CDKL2: variants seen among roughly 807,000 people sequenced by gnomAD.
CDKL2 encodes cyclin dependent kinase like 2, also known as cyclin-dependent kinase-like 2.
A neutral mutation model predicts 63.9 loss-of-function variants in CDKL2; 64 were observed. The observed-to-expected ratio is 1.00, with a 90% CI of 0.82 to 1.23. The LOEUF is 1.23. Among genes scored for constraint, CDKL2 ranks in the 50% most tolerant of loss-of-function variants. The probability of loss-of-function intolerance (pLI) is 0.00; values close to 1 mark genes in which losing one functional copy is unlikely to be tolerated. For missense variants in CDKL2, 656 were observed against 668.0 expected (o/e 0.98, Z 0.20); for synonymous variants, 211 against 229.2 (o/e 0.92, Z 0.72).
chr4:75,630,239 C>T lies in CDKL2; in HGVS notation c.-227G>A, dbSNP rs1730622434. 1 of 152,656 alleles carries T rather than the reference C, an allele frequency of 6.6e-6. No individual in the cohort carries two copies. Among genetic ancestry groups the T allele is most frequent in the South Asian group, 2.1e-4 (1 of 4,840 alleles). The allele number at this position is 152,656 out of a possible 1,614,324, so 9.5% of individuals were successfully genotyped here. A position where few individuals can be genotyped will look rare whatever the true frequency, so the allele number is the denominator to read the frequency against. On this transcript the variant is annotated 5_prime_UTR_variant, in exon 1 of 14. Coordinates refer to ENST00000307465, the MANE Select transcript of CDKL2 (RefSeq NM_001330724.2). ...GCAGGGAGGCAGGTGGGCCTCGGTC[C>T]GCCGCAAGCTCACACTTAGGAGGAC...
chr4:75,599,036 T>C (rs1264540931), intron 7 of CDKL2, among the ~76,000 whole-genome samples: 1 of 152,328 alleles, frequency 6.6e-6, no homozygotes, highest in East Asian at 1.9e-4. Flanking sequence ...ACAAAACTTT[T>C]ATGAGATAGA....
Position 75,596,326 on chromosome 4 carries a change from G to C in CDKL2, c.1337C>G (p.Thr446Ser), listed in dbSNP as rs146221596. ...PIQGYRVDEK[T>S]KKCSIPFVKP... ...AACAAATGGAATAGAACACTTCTTAGTTTTCTCATCCACTCTGTAACGACA... is the reference window on the plus strand; with the variant it reads ...AACAAATGGAATAGAACACTTCTTACTTTTCTCATCCACTCTGTAACGACA... The change falls in exon 10 of 14, where the codon ACT (threonine) becomes AGT (serine). Residue 446 changes from threonine to serine, a missense_variant. Coordinates refer to ENST00000307465, the MANE Select transcript of CDKL2 (RefSeq NM_001330724.2). 1.4e-5 allele frequency: 22 copies of C among 1,605,430 alleles called. No individual in the cohort carries two copies. The highest frequency in any genetic ancestry group is 2.6e-6 in the Non-Finnish European group (3 of 1,173,050).
chr4:75,598,380 A>T (rs1195196897), intron 7 of CDKL2, among the ~76,000 whole-genome samples, 168 bp from the exon 8 acceptor site: 1 of 152,116 alleles, frequency 6.6e-6, no homozygotes, highest in Non-Finnish European at 1.5e-5. Context: ...TGGTGTGTAG[A>T]TCTTTGGGGA....
rs2148852172 is a variant in CDKL2, at chr4:75,579,018, C to T, written c.*184G>A. On this transcript the variant is annotated 3_prime_UTR_variant, in exon 14 of 14. Coordinates refer to ENST00000307465, the MANE Select transcript of CDKL2 (RefSeq NM_001330724.2). ...GGGGAGGGCCATTTGTTCAATCTTC[C>T]TTTGAAACATTTGGAAGTCTTTGTC... The T allele has an allele frequency of 6.5e-6, 1 of 152,712 alleles. No homozygotes were observed. Among genetic ancestry groups the T allele is most frequent in the African/African-American group, 2.4e-5 (1 of 41,570 alleles). 9.5% of individuals were successfully genotyped at this position (152,712 alleles called of 1,614,324 possible).
chr4:75,609,228 A>G (rs180978066), intron 3 of CDKL2, among the ~76,000 whole-genome samples: 1 of 152,302 alleles, frequency 6.6e-6, no homozygotes, highest in Non-Finnish European at 1.5e-5. Context: ...TTAGAAATGT[A>G]AAGAGTAAAC....
In CDKL2 at chr4:75,597,219, G is replaced by T. The variant is rs764453246; in HGVS notation, c.1038C>A (p.Pro346=). The T allele has an allele frequency of 5.6e-6, 9 of 1,603,166 alleles. No homozygotes were observed. Among genetic ancestry groups the T allele is most frequent in the Non-Finnish European group, 6.8e-6 (8 of 1,171,802 alleles). The change falls in exon 9 of 14, where the codon CCC becomes CCA. Residue 346 remains proline (P), a synonymous_variant. Transcript: ENST00000307465. ...TLVVQDTNAD[P]KIKDYKLFKI... is the part of the protein sequence containing the mutation. ...TAAATAGTTTATAATCCTTAATTTT[G>T]GGATCAGCATTGGTATCCTGATCAT... is the stretch of plus-strand genomic sequence containing the variant.
chr4:75,588,833 C>T (rs1728584322), intron 12 of CDKL2, among the ~76,000 whole-genome samples: 1 of 148,262 alleles, frequency 6.7e-6, no homozygotes, highest in African/African-American at 2.5e-5. Flanking sequence ...GGTACAAATC[C>T]ATCTGCATTA....
intron 3 of CDKL2, among the ~76,000 whole-genome samples, chr4:75,611,615 G>A (rs1729697024): frequency 6.6e-6 from 1 of 151,298 alleles, no homozygotes; most frequent in South Asian, 2.1e-4. Flanking sequence ...ATAGTTTAAA[G>A]AGATATGTAA....
chr4:75,618,405 C>T (rs931386504), intron 2 of CDKL2, among the ~76,000 whole-genome samples: 11 of 151,510 alleles, frequency 7.3e-5, no homozygotes, highest in Middle Eastern at 3.4e-3. Context: ...CAGACATGCG[C>T]CACCATGCCC....
At position 75,577,730 on chromosome 4, in the gene CDKL2, G is replaced by A. The variant is rs1264713387; in HGVS notation, c.*1472C>T. 2.0e-5 allele frequency among the ~76,000 whole-genome samples: 3 copies of A among 152,242 alleles called. No homozygotes were observed. ...TTTTCAGCATGTTATCCATACTAAT[G>A]TTGTCAAACAGCTGGTCACAGATTA... On this transcript the variant is annotated 3_prime_UTR_variant, in exon 14 of 14. Transcript: ENST00000307465.
intron 4 of CDKL2, 61 bp downstream of exon 4, chr4:75,607,122 T>C (rs1729451839): frequency 3.8e-6 from 5 of 1,322,010 alleles, no homozygotes; most frequent in Non-Finnish European, 4.2e-6. Flanking sequence ...ATCATAAACA[T>C]ATTCCACTAT....
intron 10 of CDKL2, 44 bp from the exon 11 acceptor site, chr4:75,592,313 G>T (rs1291887884): frequency 6.8e-7 from 1 of 1,472,184 alleles, no homozygotes; most frequent in East Asian, 2.5e-5. Context: ...TAGTTTCAAG[G>T]TTAGCTAGGC....
At position 75,578,898 on chromosome 4, in the gene CDKL2, T is replaced by A. The variant is rs1031995386; in HGVS notation, c.*304A>T. ...AAATATACAATCTCCTAACAGTAAA[T>A]ACACATTCATGTAACAAGAACCATA... On this transcript the variant is annotated 3_prime_UTR_variant, in exon 14 of 14. Transcript: ENST00000307465. 6.6e-6 allele frequency: 1 copy of A among 152,652 alleles called. No individual in the cohort carries two copies. Among genetic ancestry groups the A allele is most frequent in the African/African-American group, 2.4e-5 (1 of 41,458 alleles). The allele number at this position is 152,652 out of a possible 1,614,324, so 9.5% of individuals were successfully genotyped here. A position where few individuals can be genotyped will look rare whatever the true frequency, so the allele number is the denominator to read the frequency against.
At chr4:75,615,256 T>A (rs762919984) in intron 2 of CDKL2, among the ~76,000 whole-genome samples, 1 of 152,168 alleles carries the variant, frequency 6.6e-6, no homozygotes, top group Non-Finnish European at 1.5e-5. Context: ...AACAAAGTCA[T>A]GGCCTCTCCC....
At chr4:75,607,162 T>G in intron 4 of CDKL2, 21 bp downstream of exon 4, 1 of 1,575,060 alleles carries the variant, frequency 6.3e-7, no homozygotes, top group Non-Finnish European at 8.7e-7. Flanking sequence ...AATCTACTCC[T>G]CCCCATTACT....
At chr4:75,604,395 G>C (rs1420974619) in intron 5 of CDKL2, among the ~76,000 whole-genome samples, 1 of 152,058 alleles carries the variant, frequency 6.6e-6, no homozygotes, top group African/African-American at 2.4e-5. Flanking sequence ...GTTGAATGTA[G>C]AATATATCTG....
intron 12 of CDKL2, among the ~76,000 whole-genome samples, chr4:75,585,941 T>C (rs945511010): frequency 6.6e-6 from 1 of 152,158 alleles, no homozygotes; most frequent in Middle Eastern, 3.2e-3. Flanking sequence ...TAATTTCACA[T>C]TTATAGAACA....
chr4:75,582,535 A>G (rs1302800426), intron 12 of CDKL2, among the ~76,000 whole-genome samples: 1 of 152,148 alleles, frequency 6.6e-6, no homozygotes, highest in Non-Finnish European at 1.5e-5. Context: ...AGTCTCGGGA[A>G]CCTATGAGAA....
At chr4:75,600,454 A>G in intron 6 of CDKL2, 85 bp from the exon 7 acceptor site, 1 of 885,864 alleles carries the variant, frequency 1.1e-6, no homozygotes, top group Non-Finnish European at 1.7e-6. Context: ...AATCCTCTTT[A>G]TAGTCAACGA....
Sources: gnomAD v4.1 joint callset for allele counts (sites outside exome capture counted in the v4.1 genomes callset) on GRCh38, gnomAD v4.1.1 for gene constraint, MANE v1.5 for transcripts, NCBI Gene and HGNC (gene_info 2026-07-23, HGNC 2026-07-21) for gene names.